The following H3Y1 variants were observed in gnomAD, a reference collection of about 807,000 sequenced individuals.
The protein encoded by H3Y1 is histone H3.Y.
A neutral mutation model predicts 0.5 loss-of-function variants in H3Y1; 1 was observed. That is an observed-to-expected ratio of 2.08 (90% CI 0.74 to 9.87). The LOEUF (loss-of-function observed/expected upper bound fraction) is 9.87. H3Y1 is among the 30% of genes most tolerant of loss of function. H3Y1 has a pLI of 0.13. For synonymous variants in H3Y1, 9 were observed against 5.0 expected, an observed-to-expected ratio of 1.80 and a Z score of -1.07; for missense variants, 35 against 11.5, an observed-to-expected ratio of 3.05 and a Z score of -2.96.
chr5:17,655,451 C>G lies in H3Y1; in HGVS notation c.88G>C (p.Ala30Pro), dbSNP rs1474890468. 2.5e-6 allele frequency: 1 copy of G among 405,646 alleles called. No individual in the cohort carries two copies. Among genetic ancestry groups the G allele is most frequent in the African/African-American group, 2.1e-5 (1 of 48,584 alleles). The allele number at this position is 405,646 out of a possible 1,614,324, so 25.1% of individuals were successfully genotyped here. A position where few individuals can be genotyped will look rare whatever the true frequency, so the allele number is the denominator to read the frequency against. Residue 30 changes from alanine (A) to proline (P), a missense_variant, in exon 1 of 1, where the codon GCG becomes CCG. Ala to Pro is a conservative substitution (Grantham distance 27, BLOSUM62 -1). Transcript: ENST00000598383. ...TTCTTGATCCCTCCTGTAGGCGGCGCCCTTTTTCCGGCTGCTTTGGTGGCC... is the reference window on the plus strand; with the variant it reads ...TTCTTGATCCCTCCTGTAGGCGGCGGCCTTTTTCCGGCTGCTTTGGTGGCC... ...PLATKAAGKR[A>P]PPTGGIKKPH...
Position 17,655,093 on chromosome 5 carries a change from C to T in H3Y1, c.*35G>A. 1 of 401,554 alleles carries T rather than the reference C, an allele frequency of 2.5e-6. No homozygotes were observed. Among genetic ancestry groups the T allele is most frequent in the Non-Finnish European group, 4.4e-6 (1 of 227,462 alleles). 24.9% of individuals were successfully genotyped at this position (401,554 alleles called of 1,614,324 possible). Reference sequence around the variant, plus strand: ...CCAAGACCTGATTTCTGCCTGTTTCCACTCCCAATCCTATGCTTAGCTACC... The same window carrying T: ...CCAAGACCTGATTTCTGCCTGTTTCTACTCCCAATCCTATGCTTAGCTACC... On this transcript the variant is annotated 3_prime_UTR_variant, in exon 1 of 1. Coordinates refer to ENST00000598383, the MANE Select transcript of H3Y1 (RefSeq NM_001355258.2).
Position 17,655,105 on chromosome 5 carries a change from T to C in H3Y1, c.*23A>G, listed in dbSNP as rs926847756. ...TTCTGCCTGTTTCCACTCCCAATCC[T>C]ATGCTTAGCTACCTTTGGGCTCTTA... is the stretch of plus-strand genomic sequence containing the variant. On this transcript the variant is annotated 3_prime_UTR_variant, in exon 1 of 1. Transcript: ENST00000598383. The C allele has an allele frequency of 2.0e-5, 8 of 404,720 alleles. 1 individual carries two copies. Among genetic ancestry groups the C allele is most frequent in the Admixed American group, 4.4e-5 (1 of 22,752 alleles). The allele number at this position is 404,720 out of a possible 1,614,324, so 25.1% of individuals were successfully genotyped here.
In H3Y1 at chr5:17,655,184, T is replaced by G. The variant is rs913153805; in HGVS notation, c.355A>C (p.Thr119Pro). Residue 119 changes from threonine to proline, a missense_variant, in exon 1 of 1, where the codon ACA becomes CCA. Physicochemically the swap from Thr to Pro is conservative, Grantham distance 38 (BLOSUM62 -1). Coordinates refer to ENST00000598383, the MANE Select transcript of H3Y1 (RefSeq NM_001355258.2). ...NLCAIHARRV[T>P]IMPRDMQLAR... ...AGCTGCATGTCTCGGGGCATAATTG[T>G]GACGCGCCTGGCATGGATGGCACAC... is the stretch of plus-strand genomic sequence containing the variant. 8 of 443,952 alleles carry G rather than the reference T, an allele frequency of 1.8e-5. No homozygotes were observed. The highest frequency in any genetic ancestry group is 3.2e-5 in the Non-Finnish European group (8 of 249,602). The allele number at this position is 443,952 out of a possible 1,614,324, so 27.5% of individuals were successfully genotyped here.
chr5:17,655,041 A>G lies in H3Y1; in HGVS notation c.*87T>C. 1 of 400,376 alleles carries G rather than the reference A, an allele frequency of 2.5e-6. No homozygotes were observed. The highest frequency in any genetic ancestry group is 3.6e-5 in the East Asian group (1 of 28,068). 24.8% of individuals were successfully genotyped at this position (400,376 alleles called of 1,614,324 possible). A position where few individuals can be genotyped will look rare whatever the true frequency, so the allele number is the denominator to read the frequency against. On this transcript the variant is annotated 3_prime_UTR_variant, in exon 1 of 1. Coordinates refer to ENST00000598383, the MANE Select transcript of H3Y1 (RefSeq NM_001355258.2). ...TGACCCTCAAGGTAGATTAGACATT[A>G]ACAAACAAAAGCACACAGAAACACC...
At position 17,655,688 on chromosome 5, in the gene H3Y1, T is replaced by A. The variant is rs1325844494; in HGVS notation, c.-150A>T. ...CCATGCGCATGACTCTCCCACACAC[T>A]TAGCCCCTGCCAACCCAGCCCCACA... On this transcript the variant is annotated 5_prime_UTR_variant, in exon 1 of 1. The change creates a new upstream start codon in the 5' untranslated region. Coordinates refer to ENST00000598383, the MANE Select transcript of H3Y1 (RefSeq NM_001355258.2). The A allele has an allele frequency of 1.5e-5, 6 of 397,444 alleles. No individual in the cohort carries two copies. The highest frequency in any genetic ancestry group is 2.1e-5 in the African/African-American group (1 of 48,474). 24.6% of individuals were successfully genotyped at this position (397,444 alleles called of 1,614,324 possible).
rs1009589425 is a variant in H3Y1 at position 17,654,994 on chromosome 5, C to A, written c.*134G>T. ...GCTGAAACTCGCTCACTGAAACATT[C>A]CCACCTGACACTAGTGCCTTATGAC... is the stretch of plus-strand genomic sequence containing the variant. On this transcript the variant is annotated 3_prime_UTR_variant, in exon 1 of 1. Transcript: ENST00000598383. The A allele has an allele frequency of 2.5e-6, 1 of 397,388 alleles. No individual in the cohort carries two copies. The allele number at this position is 397,388 out of a possible 1,614,324, so 24.6% of individuals were successfully genotyped here. A position where few individuals can be genotyped will look rare whatever the true frequency, so the allele number is the denominator to read the frequency against.
rs542813442 is a variant in H3Y1 at position 17,655,226 on chromosome 5, A to G, written c.313T>C (p.Phe105Leu). The G allele has an allele frequency of 5.8e-4, 273 of 472,494 alleles. 12 individuals carry two copies. The South Asian group carries it at 0.012, about 20-fold the overall frequency. 29.3% of individuals were successfully genotyped at this position (472,494 alleles called of 1,614,324 possible). A position where few individuals can be genotyped will look rare whatever the true frequency, so the allele number is the denominator to read the frequency against. Reference sequence around the variant, plus strand: ...ATGGCACACAGGTTGGTGTCTTCAAAGAGCTGCACCAGGTAGGCCTCGCTG... The same window carrying G: ...ATGGCACACAGGTTGGTGTCTTCAAGGAGCTGCACCAGGTAGGCCTCGCTG... ...EASEAYLVQLFEDTNLCAIHA... is the reference protein window; with the variant it reads ...EASEAYLVQLLEDTNLCAIHA... Residue 105 changes from phenylalanine (F) to leucine (L), a missense_variant, in exon 1 of 1, where the codon TTT becomes CTT. By Grantham distance (22) the Phe-to-Leu change is conservative (BLOSUM62 0). Transcript: ENST00000598383.
chr5:17,655,800 AGC>A lies in H3Y1; in HGVS notation c.-264_-263del, dbSNP rs886475013. The A allele has an allele frequency of 5.3e-6, 2 of 379,562 alleles. 1 individual carries two copies. Among genetic ancestry groups the A allele is most frequent in the Non-Finnish European group, 9.3e-6 (2 of 214,946 alleles). The allele number at this position is 379,562 out of a possible 1,614,324, so 23.5% of individuals were successfully genotyped here. A position where few individuals can be genotyped will look rare whatever the true frequency, so the allele number is the denominator to read the frequency against. ...GGGTTTCCTTGGTCTACAAAGCAGC[AGC>A]CAGGAATCTCCCTCGCAGGCAGTCT... On this transcript the variant is annotated 5_prime_UTR_variant, in exon 1 of 1. Coordinates refer to ENST00000598383, the MANE Select transcript of H3Y1 (RefSeq NM_001355258.2).
rs1740173271 is a variant in H3Y1, at chr5:17,655,423, G to A, written c.116C>T (p.Pro39Leu). Residue 39 changes from proline to leucine, a missense_variant, in exon 1 of 1, where the codon CCT becomes CTT. By Grantham distance (98) the Pro-to-Leu change is moderately conservative. Transcript: ENST00000598383. ...CAGGGTGCCAGGCTTGTAGCGGTGA[G>A]GCTTCTTGATCCCTCCTGTAGGCGG... ...RAPPTGGIKK[P>L]HRYKPGTLAL... is the part of the protein sequence containing the mutation. 9.7e-6 allele frequency: 4 copies of A among 413,734 alleles called. No homozygotes were observed. The highest frequency in any genetic ancestry group is 1.7e-5 in the Non-Finnish European group (4 of 235,144). The allele number at this position is 413,734 out of a possible 1,614,324, so 25.6% of individuals were successfully genotyped here.
At position 17,655,732 on chromosome 5, in the gene H3Y1, T is replaced by C; in HGVS notation, c.-194A>G. On this transcript the variant is annotated 5_prime_UTR_variant, in exon 1 of 1. Coordinates refer to ENST00000598383, the MANE Select transcript of H3Y1 (RefSeq NM_001355258.2). The stretch of plus-strand genomic sequence containing the variant: ...CCCCACACTTACCAGCCCTCAGGTC[T>C]GTGGGTCGGAGGCCGCGCTGCTTAG... 1 of 396,790 alleles carries C rather than the reference T, an allele frequency of 2.5e-6. No homozygotes were observed. Among genetic ancestry groups the C allele is most frequent in the Non-Finnish European group, 4.4e-6 (1 of 225,594 alleles). The allele number at this position is 396,790 out of a possible 1,614,324, so 24.6% of individuals were successfully genotyped here.
At position 17,655,604 on chromosome 5, in the gene H3Y1, G is replaced by A. The variant is rs571415553; in HGVS notation, c.-66C>T. The A allele has an allele frequency of 1.5e-5, 6 of 401,270 alleles. No individual in the cohort carries two copies. The highest frequency in any genetic ancestry group is 2.6e-5 in the Non-Finnish European group (6 of 228,292). 24.9% of individuals were successfully genotyped at this position (401,270 alleles called of 1,614,324 possible). A position where few individuals can be genotyped will look rare whatever the true frequency, so the allele number is the denominator to read the frequency against. ...CTGGCCGGCTGCAGGCGGTGCTGGC[G>A]TCAGAGAGCGAGGGCAGTGGTGCTG... On this transcript the variant is annotated 5_prime_UTR_variant, in exon 1 of 1. In the 5' UTR this introduces an upstream ATG that the reference lacks. Transcript: ENST00000598383.
At position 17,655,270 on chromosome 5, in the gene H3Y1, A is replaced by G. The variant is rs1426880545; in HGVS notation, c.269T>C (p.Ile90Thr). 5 of 470,700 alleles carry G rather than the reference A, an allele frequency of 1.1e-5. No homozygotes were observed. Among genetic ancestry groups the G allele is most frequent in the South Asian group, 4.6e-5 (1 of 21,828 alleles). 29.2% of individuals were successfully genotyped at this position (470,700 alleles called of 1,614,324 possible). Residue 90 changes from isoleucine to threonine, a missense_variant, in exon 1 of 1, where the codon ATT becomes ACT. Transcript: ENST00000598383. ...SPDLRFQSAA[I>T]GALQEASEAY... ...CTCGCTGGCCTCCTGCAGGGCGCCA[A>G]TGGCCGCACTCTGGAAGCGCAGGTC...
Position 17,655,517 on chromosome 5 carries a change from C to T in H3Y1, c.22G>A (p.Ala8Thr), listed in dbSNP as rs1456371513. 10 of 408,640 alleles carry T rather than the reference C, an allele frequency of 2.4e-5. No homozygotes were observed. Among genetic ancestry groups the T allele is most frequent in the Non-Finnish European group, 4.3e-5 (10 of 232,980 alleles). 25.3% of individuals were successfully genotyped at this position (408,640 alleles called of 1,614,324 possible). The stretch of plus-strand genomic sequence containing the variant: ...GCCTGCCAGGCGGTGGCTTTGCGGG[C>T]GGTCTGCTTGGTGCGCGCCATGTCG... MARTKQT[A>T]RKATAWQAPR... is the part of the protein sequence containing the mutation. Residue 8 changes from alanine to threonine, a missense_variant, in exon 1 of 1, where the codon GCC (alanine) becomes ACC (threonine). Ala to Thr is a moderately conservative substitution (Grantham distance 58, BLOSUM62 0). Coordinates refer to ENST00000598383, the MANE Select transcript of H3Y1 (RefSeq NM_001355258.2).
chr5:17,655,477 AG>A lies in H3Y1; in HGVS notation c.61del (p.Leu21TrpfsTer152). The A allele has an allele frequency of 2.5e-6, 1 of 406,438 alleles. No homozygotes were observed. The highest frequency in any genetic ancestry group is 4.3e-6 in the Non-Finnish European group (1 of 231,688). 25.2% of individuals were successfully genotyped at this position (406,438 alleles called of 1,614,324 possible). A position where few individuals can be genotyped will look rare whatever the true frequency, so the allele number is the denominator to read the frequency against. Reference protein sequence around the residue: ...ATAWQAPRKPLATKAAGKRAP... With the variant: ...ATAWQAPRKPXATKAAGKRAP... ...CCTTTTTCCGGCTGCTTTGGTGGCC[AG>A]GGGCTTCCTGGGGGCCTGCCAGGCG... On this transcript the variant is annotated frameshift_variant, in exon 1 of 1. Transcript: ENST00000598383. LOFTEE classifies it low-confidence loss of function (END_TRUNC).
Position 17,655,527 on chromosome 5 carries a change from G to T in H3Y1, c.12C>A (p.Thr4=), listed in dbSNP as rs1050943053. MAR[T]KQTARKATAW... ...CGGTGGCTTTGCGGGCGGTCTGCTT[G>T]GTGCGCGCCATGTCGCGGGGCCTTA... Residue 4 remains threonine, a synonymous_variant, in exon 1 of 1, where the codon ACC becomes ACA. Coordinates refer to ENST00000598383, the MANE Select transcript of H3Y1 (RefSeq NM_001355258.2). 1.5e-5 allele frequency: 6 copies of T among 406,000 alleles called. No homozygotes were observed. Among genetic ancestry groups the T allele is most frequent in the Non-Finnish European group, 2.2e-5 (5 of 231,082 alleles). 25.1% of individuals were successfully genotyped at this position (406,000 alleles called of 1,614,324 possible).
In H3Y1 at chr5:17,655,572, GC is replaced by G. The variant is rs1181767885; in HGVS notation, c.-35del. 1.7e-5 allele frequency: 7 copies of G among 400,936 alleles called. No individual in the cohort carries two copies. The highest frequency in any genetic ancestry group is 8.8e-6 in the Non-Finnish European group (2 of 227,982). The allele number at this position is 400,936 out of a possible 1,614,324, so 24.8% of individuals were successfully genotyped here. ...GCCTTAGCCTCTCCCCTGTCCTTGGGCTGAGCCTGGCCGGCTGCAGGCGGTG... is the reference window on the plus strand; with the variant it reads ...GCCTTAGCCTCTCCCCTGTCCTTGGGTGAGCCTGGCCGGCTGCAGGCGGTG... On this transcript the variant is annotated 5_prime_UTR_variant, in exon 1 of 1. Transcript: ENST00000598383.
At position 17,655,264 on chromosome 5, in the gene H3Y1, G is replaced by GAT; in HGVS notation, c.274_275insAT (p.Ala92AspfsTer82). 4.2e-6 allele frequency: 2 copies of GAT among 471,212 alleles called. No individual in the cohort carries two copies. The highest frequency in any genetic ancestry group is 4.0e-5 in the African/African-American group (2 of 49,486). The allele number at this position is 471,212 out of a possible 1,614,324, so 29.2% of individuals were successfully genotyped here. On this transcript the variant is annotated frameshift_variant, in exon 1 of 1. Coordinates refer to ENST00000598383, the MANE Select transcript of H3Y1 (RefSeq NM_001355258.2). LOFTEE classifies it high-confidence loss of function. Reference sequence around the variant, plus strand: ...GTAGGCCTCGCTGGCCTCCTGCAGGGCGCCAATGGCCGCACTCTGGAAGCG... The same window carrying GAT: ...GTAGGCCTCGCTGGCCTCCTGCAGGGATCGCCAATGGCCGCACTCTGGAAGCG...
At position 17,655,118 on chromosome 5, in the gene H3Y1, C is replaced by G. The variant is rs921631710; in HGVS notation, c.*10G>C. 2 of 408,022 alleles carry G rather than the reference C, an allele frequency of 4.9e-6. No individual in the cohort carries two copies. The highest frequency in any genetic ancestry group is 3.6e-5 in the East Asian group (1 of 28,168). The allele number at this position is 408,022 out of a possible 1,614,324, so 25.3% of individuals were successfully genotyped here. On this transcript the variant is annotated 3_prime_UTR_variant, in exon 1 of 1. Coordinates refer to ENST00000598383, the MANE Select transcript of H3Y1 (RefSeq NM_001355258.2). ...CACTCCCAATCCTATGCTTAGCTAC[C>G]TTTGGGCTCTTAAGGACCCTCTCTG...
chr5:17,655,762 T>A lies in H3Y1; in HGVS notation c.-224A>T, dbSNP rs1431902219. 2.5e-6 allele frequency: 1 copy of A among 393,704 alleles called. No homozygotes were observed. The highest frequency in any genetic ancestry group is 1.4e-4 in the South Asian group (1 of 6,978). The allele number at this position is 393,704 out of a possible 1,614,324, so 24.4% of individuals were successfully genotyped here. A position where few individuals can be genotyped will look rare whatever the true frequency, so the allele number is the denominator to read the frequency against. On this transcript the variant is annotated 5_prime_UTR_variant, in exon 1 of 1. Coordinates refer to ENST00000598383, the MANE Select transcript of H3Y1 (RefSeq NM_001355258.2). ...GTCGGAGGCCGCGCTGCTTAGTCTT[T>A]CCGGAGGGTCCTGGGTTTCCTTGGT...
Sources: allele counts gnomAD v4.1 joint callset, GRCh38; gene constraint gnomAD v4.1.1; transcripts MANE v1.5; gene names NCBI Gene and HGNC (gene_info 2026-07-23, HGNC 2026-07-21).